Variants in MAP6 observed in about 807,000 individuals in gnomAD.
The protein encoded by MAP6 is microtubule-associated protein 6.
MAP6 carries 26 observed loss-of-function variants against 42.4 expected under a neutral mutation model. That is an observed-to-expected ratio of 0.61 (90% confidence interval 0.45 to 0.85). The LOEUF (loss-of-function observed/expected upper bound fraction) is 0.85, where lower values mean the gene tolerates loss of function less well. Among genes scored for constraint, MAP6 ranks in the 40% least tolerant of loss-of-function variants. The pLI is 0.00. For synonymous variants in MAP6, 418 were observed against 443.8 expected (o/e 0.94, Z 0.73); for missense variants, 966 against 1,099.0 (o/e 0.88, Z 1.71).
intron 3 of MAP6, chr11:75,596,366 G>C (rs1257378542): frequency 6.6e-6 from 1 of 152,292 alleles, no homozygotes; most frequent in African/African-American, 2.4e-5. Flanking sequence ...TAGATGCCTG[G>C]ACTGGGCTCG....
rs557011141 is a variant in MAP6 at position 75,640,076 on chromosome 11, C to G, written c.905+27389G>C. ...GGTAACCATGGATACCCTCCACTCC[C>G]AGACAGGCGGCTCCTAGAGCAGATG... On this transcript the variant is annotated intron_variant, in intron 1 of 3. Transcript: ENST00000304771. Among the ~76,000 whole-genome samples the G allele has an allele frequency of 1.6e-4, 24 of 152,272 alleles. No homozygotes were observed. The South Asian group carries it at 5.0e-3, about 32-fold the overall frequency.
In MAP6 at chr11:75,588,350, G is replaced by A. The variant is rs75901472; in HGVS notation, c.1317-166C>T. Among the ~76,000 whole-genome samples the A allele has an allele frequency of 3.7e-3, 567 of 152,136 alleles. 5 individuals are homozygous for A. Among genetic ancestry groups the A allele is most frequent in the African/African-American group, 0.013 (528 of 41,490 alleles). ...TGTGTTCTTAGTACAGAATGTGGGC[G>A]GGGGTGAGGGAGGGGGGTGAGGTGA... On this transcript the variant is annotated intron_variant, in intron 3 of 3. Transcript: ENST00000304771.
rs190507468 is a variant in MAP6, at chr11:75,592,578, C to G, written c.1317-4394G>C. 1.2e-3 allele frequency among the ~76,000 whole-genome samples: 182 copies of G among 152,168 alleles called. 3 individuals are homozygous for G. The highest frequency in any genetic ancestry group is 8.3e-3 in the Admixed American group (127 of 15,286). ...CCCACTTCTTTCCCTCCCTCCCTTCCCCTACCACCTGCTATGCCATCATCT... is the reference window on the plus strand; with the variant it reads ...CCCACTTCTTTCCCTCCCTCCCTTCGCCTACCACCTGCTATGCCATCATCT... On this transcript the variant is annotated intron_variant, in intron 3 of 3. Coordinates refer to ENST00000304771, the MANE Select transcript of MAP6 (RefSeq NM_033063.2).
intron 3 of MAP6, among the ~76,000 whole-genome samples, chr11:75,593,302 T>C (rs1301124848): frequency 1.3e-5 from 2 of 152,250 alleles, no homozygotes; most frequent in Non-Finnish European, 2.9e-5. Context: ...TGTGCCAGGC[T>C]CTGTCCTATT....
intron 1 of MAP6, among the ~76,000 whole-genome samples, chr11:75,633,920 C>G: frequency 6.6e-6 from 1 of 152,154 alleles, no homozygotes; most frequent in East Asian, 1.9e-4. Flanking sequence ...AGGATTTGAG[C>G]AGACCTGATG....
chr11:75,667,742 C>T lies in MAP6; in HGVS notation c.628G>A (p.Ala210Thr). The change falls in exon 1 of 4, where the codon GCT (alanine) becomes ACT (threonine). Residue 210 changes from alanine (A) to threonine (T), a missense_variant. Physicochemically the swap from Ala to Thr is moderately conservative, Grantham distance 58. Transcript: ENST00000304771. This position sits in a 1 kb window ranked among gnomAD's most constrained non-coding sequence, Gnocchi z 5.6. ...SQERWPVQAA[A>T]EAREQEAAPG... ...GCCGCCTCCTGCTCCCGGGCCTCAG[C>T]GGCGGCCTGCACTGGCCAGCGCTCC... 7.7e-7 allele frequency: 1 copy of T among 1,303,356 alleles called. No individual in the cohort carries two copies. Among genetic ancestry groups the T allele is most frequent in the Non-Finnish European group, 9.7e-7 (1 of 1,028,442 alleles). The allele number at this position is 1,303,356 out of a possible 1,614,324, so 80.7% of individuals were successfully genotyped here. A position where few individuals can be genotyped will look rare whatever the true frequency, so the allele number is the denominator to read the frequency against.
At chr11:75,663,112 C>A (rs942616463) in intron 1 of MAP6, among the ~76,000 whole-genome samples, 4 of 151,996 alleles carry the variant, frequency 2.6e-5, no homozygotes, top group African/African-American at 9.7e-5. Context: ...CAGGCGCACC[C>A]CACCACGCCC....
intron 1 of MAP6, among the ~76,000 whole-genome samples, chr11:75,633,862 C>G (rs143057874): frequency 6.6e-6 from 1 of 152,178 alleles, no homozygotes; most frequent in South Asian, 2.1e-4. Flanking sequence ...CCTTGGATAA[C>G]AGAGAGAGGG....
intron 3 of MAP6, among the ~76,000 whole-genome samples, chr11:75,593,538 A>G (rs1723493488): frequency 6.6e-6 from 1 of 152,208 alleles, no homozygotes; most frequent in Non-Finnish European, 1.5e-5. Context: ...CCTTGCACAC[A>G]ATTCCAGTCC....
intron 1 of MAP6, among the ~76,000 whole-genome samples, chr11:75,620,826 A>G (rs1943094708): frequency 6.6e-6 from 1 of 152,198 alleles, no homozygotes; most frequent in Non-Finnish European, 1.5e-5. Flanking sequence ...TCATCTCAAT[A>G]TTCTTAGAAA....
At chr11:75,620,233 G>T (rs113042409) in intron 1 of MAP6, among the ~76,000 whole-genome samples, 10 of 152,280 alleles carry the variant, frequency 6.6e-5, no homozygotes, top group African/African-American at 2.4e-4. Context: ...ACTTTGGGAG[G>T]CCGAGGTAGG....
At chr11:75,618,725 C>A (rs945104663) in intron 1 of MAP6, among the ~76,000 whole-genome samples, 1 of 152,232 alleles carries the variant, frequency 6.6e-6, no homozygotes, top group Admixed American at 6.5e-5. Flanking sequence ...ACAGTCGAGA[C>A]CGGCAGACCT....
intron 1 of MAP6, among the ~76,000 whole-genome samples, chr11:75,611,061 C>T (rs924422856): frequency 6.6e-6 from 1 of 152,186 alleles, no homozygotes; most frequent in African/African-American, 2.4e-5. Flanking sequence ...TTTGGCCCTA[C>T]ACACAGGCCT....
At chr11:75,595,965 A>G (rs193013147) in intron 3 of MAP6, among the ~76,000 whole-genome samples, 301 of 152,320 alleles carry the variant, frequency 2.0e-3, no homozygotes, top group Middle Eastern at 6.8e-3. Flanking sequence ...GGGCTGGCAC[A>G]TGGTAGGAGG....
chr11:75,625,026 C>T (rs1447456662), intron 1 of MAP6, among the ~76,000 whole-genome samples: 1 of 152,204 alleles, frequency 6.6e-6, no homozygotes, highest in African/African-American at 2.4e-5. Context: ...AACAAAAGTA[C>T]ACACCAGAGC....
At chr11:75,661,128 A>G (rs1404606216) in intron 1 of MAP6, among the ~76,000 whole-genome samples, 2 of 152,146 alleles carry the variant, frequency 1.3e-5, no homozygotes, top group Non-Finnish European at 2.9e-5. Context: ...TTTTCCAGAA[A>G]AAAATAAATT....
At chr11:75,608,920 C>G (rs1231151712) in intron 1 of MAP6, among the ~76,000 whole-genome samples, 6 of 152,192 alleles carry the variant, frequency 3.9e-5, no homozygotes. Flanking sequence ...GATGAACATC[C>G]TCGTGAAATG....
chr11:75,594,383 G>A (rs1192130191), intron 3 of MAP6: 1 of 152,216 alleles, frequency 6.6e-6, no homozygotes. Flanking sequence ...TCCCAACACA[G>A]TGATGGAAAT....
intron 3 of MAP6, among the ~76,000 whole-genome samples, chr11:75,593,143 G>A (rs1336828333): frequency 1.3e-5 from 2 of 152,156 alleles, no homozygotes; most frequent in Non-Finnish European, 2.9e-5. Context: ...TTGGATTAAT[G>A]TTTCTCCCAC....
Sources: allele counts gnomAD v4.1 joint callset (sites outside exome capture counted in the v4.1 genomes callset), GRCh38; gene constraint gnomAD v4.1.1; non-coding constraint Gnocchi (gnomAD v3.1); transcripts MANE v1.5; gene names NCBI Gene and HGNC (gene_info 2026-07-23, HGNC 2026-07-21).